MYCT1: variants seen among roughly 807,000 people sequenced by gnomAD.
The protein encoded by MYCT1 is myc target protein 1.
MYCT1 carries 12 observed loss-of-function variants against 15.0 expected under a neutral mutation model. The ratio of observed to expected loss-of-function variants is 0.80; its 90% CI spans 0.51 to 1.29. The LOEUF (loss-of-function observed/expected upper bound fraction) is 1.29. MYCT1 is among the 50% of genes most tolerant of loss of function. MYCT1 has a pLI of 0.00. For synonymous variants in MYCT1, 104 were observed against 102.7 expected (o/e 1.01, Z -0.07); for missense variants, 287 against 279.1 (o/e 1.03, Z -0.20).
At chr6:152,699,537 T>A (rs2099720963) in intron 1 of MYCT1, among the ~76,000 whole-genome samples, 1 of 152,182 alleles carries the variant, frequency 6.6e-6, no homozygotes, top group Admixed American at 6.5e-5. Context: ...ATTATATGCT[T>A]GTTAAAATAT....
chr6:152,733,765 A>C, the MYCT1 span, among the ~76,000 whole-genome samples: 6 of 152,328 alleles, frequency 3.9e-5, no homozygotes, highest in East Asian at 1.2e-3. Flanking sequence ...GGAATAGGCA[A>C]GTTAAAATGT....
the MYCT1 span, among the ~76,000 whole-genome samples, chr6:152,737,289 A>G: frequency 3.3e-5 from 5 of 152,050 alleles, no homozygotes; most frequent in African/African-American, 1.2e-4. Context: ...AAGCTTCTTA[A>G]GGTCTTGGCT....
At position 152,697,999 on chromosome 6, in the gene MYCT1, GT is replaced by G; in HGVS notation, c.102del (p.Leu35PhefsTer22). 1 of 1,608,306 alleles carries G rather than the reference GT, an allele frequency of 6.2e-7. No individual in the cohort carries two copies. On this transcript the variant is annotated frameshift_variant, in exon 1 of 2. Coordinates refer to ENST00000367245, the MANE Select transcript of MYCT1 (RefSeq NM_025107.3). LOFTEE classifies it high-confidence loss of function. ...CAAACTGCTTTTTTTCGACATACTGGTTTTTCTTTCTGTTTTTCTTCTCTTT... is the reference window on the plus strand; with the variant it reads ...CAAACTGCTTTTTTTCGACATACTGGTTTTCTTTCTGTTTTTCTTCTCTTT... Reference protein sequence around the residue: ...RIKLLFFDILVFLSVFLLFLL... With the variant: ...RIKLLFFDILXFLSVFLLFLL...
chr6:152,727,285 A>G (rs1220512425), downstream of MYCT1, among the ~76,000 whole-genome samples: 3 of 152,184 alleles, frequency 2.0e-5, no homozygotes, highest in Non-Finnish European at 4.4e-5. Flanking sequence ...ATTTTTAACT[A>G]ATTTTTAAAA....
chr6:152,739,250 C>T, the MYCT1 span, among the ~76,000 whole-genome samples: 2 of 151,156 alleles, frequency 1.3e-5, no homozygotes, highest in African/African-American at 4.8e-5. Context: ...AAATATTCTA[C>T]AAGTAGTTTT....
the MYCT1 span, among the ~76,000 whole-genome samples, chr6:152,730,246 C>A: frequency 2.6e-5 from 4 of 152,160 alleles, no homozygotes; most frequent in Non-Finnish European, 4.4e-5. Flanking sequence ...TATGTGCCAT[C>A]TTAGAAGTTC....
rs1406498461 is a variant in MYCT1 at position 152,716,166 on chromosome 6, G to A, written c.197-5576G>A. On this transcript the variant is annotated intron_variant, in intron 1 of 1. Transcript: ENST00000367245. ...GTGGGTAGTGAGAAGTTGAATTCTG[G>A]ATTTCTTTTTGTTTGTGAAAACAGA... 3.9e-5 allele frequency among the ~76,000 whole-genome samples: 6 copies of A among 152,186 alleles called. No homozygotes were observed. In the East Asian group the frequency reaches 1.2e-3, roughly 29 times the overall value.
At chr6:152,720,026 T>C (rs1302324650) in intron 1 of MYCT1, among the ~76,000 whole-genome samples, 1 of 152,078 alleles carries the variant, frequency 6.6e-6, no homozygotes, top group Non-Finnish European at 1.5e-5. Context: ...TGTGGATTGG[T>C]AATTTGAGAT....
At chr6:152,735,111 G>A in the MYCT1 span, among the ~76,000 whole-genome samples, 1 of 152,104 alleles carries the variant, frequency 6.6e-6, no homozygotes, top group African/African-American at 2.4e-5. Flanking sequence ...GTTTTTAACA[G>A]GAGAATAAAA....
intron 1 of MYCT1, among the ~76,000 whole-genome samples, chr6:152,709,267 C>T (rs1299311384): frequency 1.6e-3 from 55 of 33,978 alleles, no homozygotes; most frequent in African/African-American, 4.3e-3. Flanking sequence ...CATTGTTGGA[C>T]ATTTGGGTTG....
intron 1 of MYCT1, among the ~76,000 whole-genome samples, chr6:152,706,833 TA>T (rs1397014109): frequency 6.3e-5 from 9 of 142,668 alleles, no homozygotes; most frequent in Non-Finnish European, 1.0e-4. Flanking sequence ...ACATTTCCAT[TA>T]TAGAAACCAT....
intron 1 of MYCT1, among the ~76,000 whole-genome samples, chr6:152,703,729 A>G (rs1041054393): frequency 3.3e-5 from 5 of 152,082 alleles, no homozygotes; most frequent in Non-Finnish European, 1.5e-5. Flanking sequence ...CCCAAAGCCC[A>G]ATCAAGATAC....
intron 1 of MYCT1, among the ~76,000 whole-genome samples, chr6:152,717,644 A>G (rs1354551907): frequency 6.6e-6 from 1 of 152,040 alleles, no homozygotes; most frequent in Non-Finnish European, 1.5e-5. Context: ...TTCCACCAGG[A>G]TTGTGAGGCC....
At chr6:152,713,031 A>G (rs1437818717) in intron 1 of MYCT1, among the ~76,000 whole-genome samples, 1 of 151,984 alleles carries the variant, frequency 6.6e-6, no homozygotes, top group Non-Finnish European at 1.5e-5. Flanking sequence ...GGGGATTATA[A>G]TTGCACATTT....
the MYCT1 span, among the ~76,000 whole-genome samples, chr6:152,732,898 A>G: frequency 6.6e-6 from 1 of 152,224 alleles, no homozygotes; most frequent in Non-Finnish European, 1.5e-5. Flanking sequence ...GCAGAACCTT[A>G]AGGTGAGCTA....
At chr6:152,719,277 A>G (rs912585077) in intron 1 of MYCT1, among the ~76,000 whole-genome samples, 1 of 152,248 alleles carries the variant, frequency 6.6e-6, no homozygotes, top group Non-Finnish European at 1.5e-5. Context: ...AACAGGCTGC[A>G]AGATACTCTG....
At chr6:152,739,009 T>A in the MYCT1 span, among the ~76,000 whole-genome samples, 2 of 151,838 alleles carry the variant, frequency 1.3e-5, no homozygotes, top group East Asian at 1.9e-4. Context: ...GAGAAGAGAA[T>A]GAAAAAAAGA....
chr6:152,728,858 A>T (rs1215607185), downstream of MYCT1, among the ~76,000 whole-genome samples: 1 of 152,216 alleles, frequency 6.6e-6, no homozygotes, highest in African/African-American at 2.4e-5. Flanking sequence ...GTGAGCTGTG[A>T]TCGTGCCACT....
the MYCT1 span, among the ~76,000 whole-genome samples, chr6:152,744,212 TCAG>T: frequency 6.6e-6 from 1 of 152,228 alleles, no homozygotes; most frequent in Non-Finnish European, 1.5e-5. Context: ...TATTTGTGTT[TCAG>T]CAGCAGTCTT....
Sources: allele counts gnomAD v4.1 joint callset (sites outside exome capture counted in the v4.1 genomes callset), GRCh38; gene constraint gnomAD v4.1.1; transcripts MANE v1.5; gene names NCBI Gene and HGNC (gene_info 2026-07-23, HGNC 2026-07-21).